SCEL: variants seen among roughly 807,000 people sequenced by gnomAD.
The protein encoded by SCEL is sciellin.
SCEL carries 113 observed loss-of-function variants against 117.6 expected under a neutral mutation model. The ratio of observed to expected loss-of-function variants is 0.96; its 90% CI spans 0.83 to 1.12. The LOEUF (loss-of-function observed/expected upper bound fraction) is 1.12, where lower values mean the gene tolerates loss of function less well. Ranked by LOEUF, SCEL falls within the 50% of genes most tolerant of loss-of-function variation. The pLI, the probability that SCEL is intolerant of heterozygous loss-of-function variation, is 0.00. For synonymous variants in SCEL, 270 were observed against 256.2 expected (o/e 1.05, Z -0.51); for missense variants, 785 against 810.8 (o/e 0.97, Z 0.39).
chr13:77,557,308 T>C (rs560139114), intron 3 of SCEL, among the ~76,000 whole-genome samples: 157 of 152,094 alleles, frequency 1.0e-3, no homozygotes, highest in Middle Eastern at 3.4e-3. Context: ...ACTATGGCCA[T>C]AGGCATATAG....
intron 8 of SCEL, among the ~76,000 whole-genome samples, chr13:77,570,205 C>T (rs1252999044): frequency 6.6e-6 from 1 of 152,190 alleles, no homozygotes; most frequent in Non-Finnish European, 1.5e-5. Context: ...CTGACTTTGC[C>T]ATGGTGCTGC....
chr13:77,605,269 G>T (rs1478127557), intron 19 of SCEL, among the ~76,000 whole-genome samples: 1 of 152,200 alleles, frequency 6.6e-6, no homozygotes, highest in Non-Finnish European at 1.5e-5. Flanking sequence ...GGAGGGCAAA[G>T]GCTCAGTTAG....
At chr13:77,551,127 G>C (rs970778839) in intron 1 of SCEL, among the ~76,000 whole-genome samples, 2 of 152,230 alleles carry the variant, frequency 1.3e-5, no homozygotes, top group Admixed American at 1.3e-4. Context: ...GCCCGATGCA[G>C]CCTCTTAACA....
At chr13:77,610,438 C>T (rs1478542210) in intron 22 of SCEL, among the ~76,000 whole-genome samples, 2 of 122,168 alleles carry the variant, frequency 1.6e-5, no homozygotes, top group African/African-American at 6.5e-5. Context: ...GGCAACAGAG[C>T]AAGACTCCGT....
rs1415010713 is a variant in SCEL at position 77,559,810 on chromosome 13, A to C, written c.168A>C (p.Glu56Asp). ...TTTTGTTCTTTCTTTGCAGAGATGA[A>C]AATTACGGTAGGGTGGTGCTCAACC... is the stretch of plus-strand genomic sequence containing the variant. ...IKKRPEEEKD[E>D]NYGRVVLNRH... The change falls in exon 4 of 33, where the codon GAA becomes GAC. Residue 56 changes from glutamate to aspartate, a missense_variant. Physicochemically the swap from Glu to Asp is conservative, Grantham distance 45. Transcript: ENST00000349847. 3 of 1,613,660 alleles carry C rather than the reference A, an allele frequency of 1.9e-6. No individual in the cohort carries two copies. The highest frequency in any genetic ancestry group is 2.5e-6 in the Non-Finnish European group (3 of 1,179,708).
At chr13:77,607,851 A>C (rs561808706) in intron 19 of SCEL, among the ~76,000 whole-genome samples, 1 of 152,314 alleles carries the variant, frequency 6.6e-6, no homozygotes, top group African/African-American at 2.4e-5. Context: ...TGTCTCCCTG[A>C]GTCTCAATGA....
At chr13:77,617,033 TGAG>T (rs2154403776) in intron 24 of SCEL, among the ~76,000 whole-genome samples, 1 of 152,236 alleles carries the variant, frequency 6.6e-6, no homozygotes, top group African/African-American at 2.4e-5. Context: ...GTTCTGTGGC[TGAG>T]AAGAGAAACA....
intron 4 of SCEL, among the ~76,000 whole-genome samples, chr13:77,563,284 CTTCCT>C (rs894758193): frequency 1.3e-5 from 2 of 151,478 alleles, no homozygotes; most frequent in Non-Finnish European, 2.9e-5. Context: ...TTCCTGTTTC[CTTCCT>C]TTCCTTTCCT....
At chr13:77,582,098 C>G (rs1410513355) in intron 9 of SCEL, among the ~76,000 whole-genome samples, 1 of 151,626 alleles carries the variant, frequency 6.6e-6, no homozygotes, top group Non-Finnish European at 1.5e-5. Flanking sequence ...CATCTTTGTC[C>G]TCTCATCTCT....
chr13:77,570,566 A>T (rs2085537914), intron 8 of SCEL, among the ~76,000 whole-genome samples: 1 of 152,210 alleles, frequency 6.6e-6, no homozygotes, highest in Non-Finnish European at 1.5e-5. Context: ...TCCTTGTCTT[A>T]GTTGAGTTCT....
intron 11 of SCEL, among the ~76,000 whole-genome samples, chr13:77,592,573 T>G (rs1300302508): frequency 1.3e-5 from 2 of 150,676 alleles, no homozygotes; most frequent in African/African-American, 4.9e-5. Flanking sequence ...TTTTTTTTTT[T>G]TTTTTGACAG....
chr13:77,545,875 C>G (rs1377739227), intron 1 of SCEL, among the ~76,000 whole-genome samples: 3 of 152,238 alleles, frequency 2.0e-5, no homozygotes, highest in African/African-American at 7.2e-5. Flanking sequence ...CAGCTTGCAT[C>G]TTTGATAAGA....
intron 9 of SCEL, among the ~76,000 whole-genome samples, chr13:77,575,752 C>T (rs1208712572): frequency 6.6e-6 from 1 of 152,184 alleles, no homozygotes; most frequent in Non-Finnish European, 1.5e-5. Flanking sequence ...ATTGTGATTT[C>T]AACCATTGGG....
chr13:77,603,636 C>T (rs1385551577), intron 18 of SCEL, among the ~76,000 whole-genome samples: 2 of 152,154 alleles, frequency 1.3e-5, no homozygotes, highest in African/African-American at 4.8e-5. Flanking sequence ...AATCGCAGTG[C>T]TTCTGTCTTC....
At chr13:77,611,833 G>T (rs749166985) in intron 22 of SCEL, among the ~76,000 whole-genome samples, 1 of 152,048 alleles carries the variant, frequency 6.6e-6, no homozygotes, top group Non-Finnish European at 1.5e-5. Flanking sequence ...GATCATGCTC[G>T]TGAAACACTT....
Position 77,634,264 on chromosome 13 carries a change from A to G in SCEL, c.1692-115A>G, listed in dbSNP as rs1413684879. 8 of 889,784 alleles carry G rather than the reference A, an allele frequency of 9.0e-6. No individual in the cohort carries two copies. The African/African-American group carries it at 1.3e-4, about 15-fold the overall frequency. The allele number at this position is 889,784 out of a possible 1,614,324, so 55.1% of individuals were successfully genotyped here. ...ACTCTAACATTCATGTTTCAAAGTT[A>G]TAGTTCAGAAGGAACATATATTCAT... On this transcript the variant is annotated intron_variant, in intron 28 of 32. Transcript: ENST00000349847.
chr13:77,642,514 T>C (rs1421960634), intron 31 of SCEL, among the ~76,000 whole-genome samples, 192 bp from the exon 32 acceptor site: 1 of 152,182 alleles, frequency 6.6e-6, no homozygotes. Flanking sequence ...GTTTGAGATA[T>C]TGAGTGGTCA....
At chr13:77,599,155 G>C (rs530866634) in intron 13 of SCEL, among the ~76,000 whole-genome samples, 174 bp from the exon 14 acceptor site, 1 of 152,216 alleles carries the variant, frequency 6.6e-6, no homozygotes, top group South Asian at 2.1e-4. Context: ...TTTCTCTAAG[G>C]CCCACTGCAA....
intron 1 of SCEL, among the ~76,000 whole-genome samples, chr13:77,548,788 C>T (rs947556447): frequency 6.6e-6 from 1 of 152,174 alleles, no homozygotes; most frequent in African/African-American, 2.4e-5. Flanking sequence ...TAAGATGTGA[C>T]TTTGCTTGTC....
Sources: allele counts gnomAD v4.1 joint callset (sites outside exome capture counted in the v4.1 genomes callset), GRCh38; gene constraint gnomAD v4.1.1; transcripts MANE v1.5; gene names NCBI Gene and HGNC (gene_info 2026-07-23, HGNC 2026-07-21).